Variants in SGK3 observed in about 807,000 individuals in gnomAD.
SGK3 encodes serum/glucocorticoid regulated kinase family member 3, also known as serine/threonine-protein kinase Sgk3.
SGK3 carries 47 observed loss-of-function variants against 68.5 expected under a neutral mutation model. The observed-to-expected ratio is 0.69, with a 90% CI of 0.54 to 0.87. The LOEUF (loss-of-function observed/expected upper bound fraction) is 0.87, where lower values mean the gene tolerates loss of function less well. SGK3 is among the 40% of genes least tolerant of loss of function. The probability of loss-of-function intolerance (pLI) is 0.00; values close to 1 mark genes in which losing one functional copy is unlikely to be tolerated. For synonymous variants in SGK3, 181 were observed against 189.1 expected, an observed-to-expected ratio of 0.96 and a Z score of 0.35; for missense variants, 479 against 575.5, an observed-to-expected ratio of 0.83 and a Z score of 1.72.
intron 1 of SGK3, among the ~76,000 whole-genome samples, chr8:66,751,431 T>C (rs1343609467): frequency 6.6e-6 from 1 of 152,214 alleles, no homozygotes; most frequent in East Asian, 1.9e-4. Context: ...TATTTTCTTA[T>C]TTGTACTTCA....
rs74878919 is a variant in SGK3 at position 66,798,889 on chromosome 8, A to G, written c.180+264A>G. Among the ~76,000 whole-genome samples, 1,227 of 152,318 alleles carry G rather than the reference A, an allele frequency of 8.1e-3. 8 individuals carry two copies. Among genetic ancestry groups the G allele is most frequent in the Middle Eastern group, 0.02 (6 of 294 alleles). On this transcript the variant is annotated intron_variant, in intron 3 of 16. Coordinates refer to ENST00000521198, the MANE Select transcript of SGK3 (RefSeq NM_001033578.3). ...ACCTTTTAATGTCATAGAAAATTAT[A>G]AGTCAGTTCTTTCTACCTACCTCTC...
At chr8:66,831,142 G>A in intron 7 of SGK3, 112 bp from the exon 8 acceptor site, 1 of 1,252,830 alleles carries the variant, frequency 8.0e-7, no homozygotes, top group Non-Finnish European at 1.1e-6. Flanking sequence ...TTAATAGGCT[G>A]AAGTGTTTTG....
intron 1 of SGK3, among the ~76,000 whole-genome samples, chr8:66,747,049 A>G (rs1361202909): frequency 1.3e-5 from 2 of 151,792 alleles, no homozygotes; most frequent in African/African-American, 4.8e-5. Flanking sequence ...TGCCTTTTAG[A>G]ATTTCTCATT....
rs1031370271 is a variant in SGK3 at position 66,725,579 on chromosome 8, C to T, written c.-122+12746C>T. ...GAGTTTCCTGACTTAAAAAATAGAT[C>T]TATATATATCTAGCGTTCTTTTTCC... On this transcript the variant is annotated intron_variant, in intron 1 of 16. Transcript: ENST00000521198. 7.3e-5 allele frequency among the ~76,000 whole-genome samples: 11 copies of T among 151,552 alleles called. No individual in the cohort carries two copies. The South Asian group carries it at 2.3e-3, about 31-fold the overall frequency.
At chr8:66,785,409 C>T (rs952532133) in intron 1 of SGK3, among the ~76,000 whole-genome samples, 8 of 152,160 alleles carry the variant, frequency 5.3e-5, no homozygotes, top group African/African-American at 1.7e-4. Context: ...TAGATGTGAG[C>T]GCTTAAAACA....
intron 1 of SGK3, among the ~76,000 whole-genome samples, chr8:66,721,866 A>G (rs1804803275): frequency 6.6e-6 from 1 of 152,164 alleles, no homozygotes; most frequent in African/African-American, 2.4e-5. Flanking sequence ...GCTTTAAAAT[A>G]ACCTTTTTGT....
At chr8:66,800,587 T>C (rs924153815) in intron 3 of SGK3, among the ~76,000 whole-genome samples, 12 of 151,986 alleles carry the variant, frequency 7.9e-5, no homozygotes, top group African/African-American at 2.9e-4. Flanking sequence ...AATTCCTAAA[T>C]GGGTCAGAAT....
intron 6 of SGK3, among the ~76,000 whole-genome samples, chr8:66,826,251 G>A (rs1456176279): frequency 3.3e-5 from 5 of 152,158 alleles, no homozygotes; most frequent in Non-Finnish European, 7.3e-5. Flanking sequence ...GATTACAGGT[G>A]TGAGCCACCA....
At chr8:66,717,884 G>A (rs189552865) in intron 1 of SGK3, among the ~76,000 whole-genome samples, 114 of 152,118 alleles carry the variant, frequency 7.5e-4, no homozygotes, top group African/African-American at 2.6e-3. Flanking sequence ...TGTATTTTTG[G>A]TAGAGATGGG....
chr8:66,843,398 A>G (rs1330973776), intron 13 of SGK3, 54 bp from the exon 14 acceptor site: 25 of 1,544,622 alleles, frequency 1.6e-5, no homozygotes, highest in East Asian at 2.3e-5. Context: ...TTATTTATAA[A>G]TTTTGTCTTG....
At chr8:66,811,975 C>T (rs1177275341) in intron 4 of SGK3, among the ~76,000 whole-genome samples, 1 of 152,054 alleles carries the variant, frequency 6.6e-6, no homozygotes, top group African/African-American at 2.4e-5. Context: ...CTTAGACGAA[C>T]AAGAAAAAAG....
rs1810684509 is a variant in SGK3, at chr8:66,859,750, T to A, written c.*169T>A. On this transcript the variant is annotated 3_prime_UTR_variant, in exon 17 of 17. Coordinates refer to ENST00000521198, the MANE Select transcript of SGK3 (RefSeq NM_001033578.3). ...TTCTATGTGCAAGAAAAATAGGGCA[T>A]TTCAAAGAGCTGTTTTGATTAAAAT... The A allele has an allele frequency of 1.5e-6, 1 of 684,754 alleles. No individual in the cohort carries two copies. The allele number at this position is 684,754 out of a possible 1,614,324, so 42.4% of individuals were successfully genotyped here. A position where few individuals can be genotyped will look rare whatever the true frequency, so the allele number is the denominator to read the frequency against.
intron 1 of SGK3, among the ~76,000 whole-genome samples, chr8:66,754,306 G>A (rs1805910202): frequency 6.6e-6 from 1 of 152,064 alleles, no homozygotes; most frequent in Non-Finnish European, 1.5e-5. Context: ...AGGAATGAGA[G>A]ATAATGCAAA....
At chr8:66,826,103 G>A (rs1809043492) in intron 6 of SGK3, among the ~76,000 whole-genome samples, 1 of 151,972 alleles carries the variant, frequency 6.6e-6, no homozygotes, top group Admixed American at 6.6e-5. Flanking sequence ...CTCCCAAGTA[G>A]CTGGGACTAC....
intron 4 of SGK3, among the ~76,000 whole-genome samples, chr8:66,808,732 G>A (rs1808263193): frequency 1.3e-5 from 2 of 151,828 alleles, no homozygotes; most frequent in Non-Finnish European, 2.9e-5. Context: ...GGCTGGTCTC[G>A]AACTCCTGAC....
At chr8:66,792,657 A>G (rs1185593042) in intron 1 of SGK3, among the ~76,000 whole-genome samples, 1 of 152,040 alleles carries the variant, frequency 6.6e-6, no homozygotes, top group Non-Finnish European at 1.5e-5. Context: ...GTTGGGAGGA[A>G]TGCTTGAGCC....
chr8:66,847,334 G>A lies in SGK3; in HGVS notation c.1216G>A (p.Ala406Thr). 6.2e-7 allele frequency: 1 copy of A among 1,613,680 alleles called. No individual in the cohort carries two copies. The highest frequency in any genetic ancestry group is 8.5e-7 in the Non-Finnish European group (1 of 1,179,920). Residue 406 changes from alanine to threonine, a missense_variant, in exon 15 of 17, where the codon GCC (alanine) becomes ACC (threonine). This residue lies in a region of SGK3 where 173 missense variants were observed against 214.3 expected (regional missense o/e 0.81). Transcript: ENST00000521198. Reference sequence around the variant, plus strand: ...AAAAGACAGGCAAAATCGACTTGGTGCCAAGGAAGACTTTGTATGTAACAG... The same window carrying A: ...AAAAGACAGGCAAAATCGACTTGGTACCAAGGAAGACTTTGTATGTAACAG... Reference protein sequence around the residue: ...LEKDRQNRLGAKEDFLEIQNH... With the variant: ...LEKDRQNRLGTKEDFLEIQNH...
chr8:66,790,223 T>G (rs1438546894), intron 1 of SGK3, among the ~76,000 whole-genome samples: 1 of 152,198 alleles, frequency 6.6e-6, no homozygotes, highest in Non-Finnish European at 1.5e-5. Flanking sequence ...TAAAGGCAGT[T>G]TTCTCCCAGA....
intron 1 of SGK3, among the ~76,000 whole-genome samples, chr8:66,749,514 A>T (rs1417980458): frequency 1.3e-5 from 2 of 152,172 alleles, no homozygotes; most frequent in African/African-American, 4.8e-5. Context: ...TCTGGCACAC[A>T]TCTATTGGTG....
Sources: gnomAD v4.1 joint callset for allele counts (sites outside exome capture counted in the v4.1 genomes callset) on GRCh38, gnomAD v4.1.1 for gene constraint, gnomAD v4.1.1 regional missense constraint, MANE v1.5 for transcripts, NCBI Gene and HGNC (gene_info 2026-07-23, HGNC 2026-07-21) for gene names.